Variants in PKHD1L1 observed in about 807,000 individuals in gnomAD.
PKHD1L1 encodes the protein PKHD1 like 1.
A neutral mutation model predicts 462.9 loss-of-function variants in PKHD1L1; 434 were observed. That is an observed-to-expected ratio of 0.94 (90% CI 0.87 to 1.02). PKHD1L1 has a LOEUF of 1.02. PKHD1L1 is among the 50% of genes least tolerant of loss of function. The pLI, the probability that PKHD1L1 is intolerant of heterozygous loss-of-function variation, is 0.00. For synonymous variants in PKHD1L1, 1,781 were observed against 1,750.0 expected, an observed-to-expected ratio of 1.02 and a Z score of -0.44; for missense variants, 5,202 against 5,096.1, an observed-to-expected ratio of 1.02 and a Z score of -0.63.
Position 109,413,425 on chromosome 8 carries a change from G to C in PKHD1L1, c.2240G>C (p.Cys747Ser). ...DILLFPYNQL[C>S]LAYKGFLANY... ...GTTTTTCATATTTTTATGTAGTTATGTTTAGCATACAAAGGATTCCTGGCA... is the reference window on the plus strand; with the variant it reads ...GTTTTTCATATTTTTATGTAGTTATCTTTAGCATACAAAGGATTCCTGGCA... The change falls in exon 21 of 78, where the codon TGT becomes TCT. Residue 747 changes from cysteine to serine, a missense_variant. By Grantham distance (112) the Cys-to-Ser change is moderately radical (BLOSUM62 -1). Coordinates refer to ENST00000378402, the MANE Select transcript of PKHD1L1 (RefSeq NM_177531.6). 1 of 1,523,772 alleles carries C rather than the reference G, an allele frequency of 6.6e-7. No individual in the cohort carries two copies. The highest frequency in any genetic ancestry group is 8.9e-7 in the Non-Finnish European group (1 of 1,120,910). 94.4% of individuals were successfully genotyped at this position (1,523,772 alleles called of 1,614,324 possible).
intron 16 of PKHD1L1, 113 bp downstream of exon 16, chr8:109,405,243 C>T: frequency 1.6e-6 from 1 of 643,608 alleles, no homozygotes; most frequent in Non-Finnish European, 2.3e-6. Flanking sequence ...TGATGATATG[C>T]TAGACAAAGA....
In PKHD1L1 at chr8:109,442,069, G is replaced by T; in HGVS notation, c.4267G>T (p.Ala1423Ser). 2 of 1,613,408 alleles carry T rather than the reference G, an allele frequency of 1.2e-6. No individual in the cohort carries two copies. Among genetic ancestry groups the T allele is most frequent in the Non-Finnish European group, 1.7e-6 (2 of 1,179,546 alleles). Residue 1423 changes from alanine (A) to serine (S), a missense_variant, in exon 35 of 78, where the codon GCA (alanine) becomes TCA (serine). This residue lies in a region of PKHD1L1 where 4,497 missense variants were observed against 4,336.8 expected (regional missense o/e 1.04). Coordinates refer to ENST00000378402, the MANE Select transcript of PKHD1L1 (RefSeq NM_177531.6). ...VLNVSVGDTV[A>S]WHWQTHPFLR... ...AAATGTGTCTGTGGGGGACACAGTG[G>T]CATGGCATTGGCAAACACATCCGTT...
At chr8:109,439,830 T>TA (rs1174651748) in intron 32 of PKHD1L1, among the ~76,000 whole-genome samples, 6 of 152,110 alleles carry the variant, frequency 3.9e-5, no homozygotes, top group Admixed American at 2.6e-4. Context: ...CCAATACAGC[T>TA]AATGTCAGAG....
chr8:109,422,395 G>T (rs575244902), intron 23 of PKHD1L1, among the ~76,000 whole-genome samples: 1 of 152,054 alleles, frequency 6.6e-6, no homozygotes, highest in African/African-American at 2.4e-5. Flanking sequence ...CTTATATATG[G>T]CAACCACAAA....
chr8:109,524,634 C>A (rs1341956841), intron 76 of PKHD1L1, among the ~76,000 whole-genome samples: 1 of 152,178 alleles, frequency 6.6e-6, no homozygotes, highest in Admixed American at 6.5e-5. Context: ...TAGGTTTTGG[C>A]ATTTTACTGT....
At chr8:109,475,803 G>A (rs1410410716) in intron 51 of PKHD1L1, among the ~76,000 whole-genome samples, 1 of 131,836 alleles carries the variant, frequency 7.6e-6, no homozygotes, top group Non-Finnish European at 1.5e-5. Flanking sequence ...AACCAAGATC[G>A]CCCCACTGTA....
chr8:109,522,995 C>A, intron 75 of PKHD1L1, 105 bp downstream of exon 75: 1 of 1,243,352 alleles, frequency 8.0e-7, no homozygotes, highest in Non-Finnish European at 1.1e-6. Context: ...CTGAGGATCA[C>A]ACGGCCCTTT....
chr8:109,393,419 C>A (rs752067070), intron 9 of PKHD1L1, among the ~76,000 whole-genome samples: 1 of 151,846 alleles, frequency 6.6e-6, no homozygotes, highest in Non-Finnish European at 1.5e-5. Flanking sequence ...CATTTAATTT[C>A]CAGAATTATT....
chr8:109,415,847 T>TAA (rs71305948), intron 21 of PKHD1L1, among the ~76,000 whole-genome samples: 1 of 117,020 alleles, frequency 8.5e-6, no homozygotes. Flanking sequence ...GACCTTGTCT[T>TAA]AAAAAAAAAA....
At chr8:109,522,653 T>C in intron 74 of PKHD1L1, 91 bp from the exon 75 acceptor site, 1 of 1,238,522 alleles carries the variant, frequency 8.1e-7, no homozygotes, top group South Asian at 1.9e-5. Context: ...AAATAAATAA[T>C]GAATATTTTA....
chr8:109,394,721 T>A (rs1213170298), intron 10 of PKHD1L1, among the ~76,000 whole-genome samples: 1 of 152,160 alleles, frequency 6.6e-6, no homozygotes, highest in African/African-American at 2.4e-5. Context: ...CTCATTACAC[T>A]AACACAGACA....
chr8:109,382,793 A>G (rs1812193663), intron 4 of PKHD1L1, among the ~76,000 whole-genome samples: 2 of 151,564 alleles, frequency 1.3e-5, no homozygotes, highest in African/African-American at 4.8e-5. Flanking sequence ...ATTAAATTAA[A>G]CTTTTGTACT....
chr8:109,486,569 A>G, intron 58 of PKHD1L1, 79 bp from the exon 59 acceptor site: 1 of 1,379,694 alleles, frequency 7.2e-7, no homozygotes. Context: ...AAGGCTGTTT[A>G]GCATATAAAC....
At chr8:109,447,334 T>C (rs560347800) in intron 38 of PKHD1L1, among the ~76,000 whole-genome samples, 1 of 152,338 alleles carries the variant, frequency 6.6e-6, no homozygotes, top group East Asian at 1.9e-4. Flanking sequence ...ATCCTCACTA[T>C]GGTCAATTAT....
chr8:109,528,315 C>T (rs1292916229), intron 77 of PKHD1L1, among the ~76,000 whole-genome samples: 1 of 152,118 alleles, frequency 6.6e-6, no homozygotes, highest in Non-Finnish European at 1.5e-5. Context: ...CTTCTCCGCC[C>T]GCAGTTAATG....
chr8:109,490,192 C>A, intron 60 of PKHD1L1, 137 bp downstream of exon 60: 3 of 563,254 alleles, frequency 5.3e-6, no homozygotes, highest in South Asian at 3.1e-5. Flanking sequence ...GGCCCATTAA[C>A]TTTTTAGACC....
In PKHD1L1 at chr8:109,464,491, G is replaced by C; in HGVS notation, c.7659G>C (p.Leu2553=). 1.2e-6 allele frequency: 2 copies of C among 1,613,768 alleles called. No individual in the cohort carries two copies. The highest frequency in any genetic ancestry group is 1.7e-6 in the Non-Finnish European group (2 of 1,179,782). Residue 2553 remains leucine (L), a synonymous_variant, in exon 49 of 78, where the codon CTG becomes CTC. Coordinates refer to ENST00000378402, the MANE Select transcript of PKHD1L1 (RefSeq NM_177531.6). The stretch of plus-strand genomic sequence containing the variant: ...TTGTACAGCAAAGTACCAGTCTTCT[G>C]AATGATGATGTGACCCCGGCTGCAT... ...AVFVQQSTSL[L]NDDVTPAAFW...
Position 109,427,082 on chromosome 8 carries a change from C to T in PKHD1L1, c.2926C>T (p.Arg976Ter), listed in dbSNP as rs747975032. 2.5e-5 allele frequency: 40 copies of T among 1,613,832 alleles called. No individual in the cohort carries two copies. The highest frequency in any genetic ancestry group is 9.9e-5 in the South Asian group (9 of 91,094). ...LEGMGRISVTREGTCAGYAWN... is the reference protein window; with the variant it reads ...LEGMGRISVT Reference sequence around the variant, plus strand: ...GGGAATGGGAAGAATCTCAGTTACACGAGAGGGAACCTGTGCTGGCTACGC... The same window carrying T: ...GGGAATGGGAAGAATCTCAGTTACATGAGAGGGAACCTGTGCTGGCTACGC... Residue 976 changes from arginine (R) to a stop codon, truncating the protein, a stop_gained, in exon 25 of 78, where the codon CGA becomes TGA. Coordinates refer to ENST00000378402, the MANE Select transcript of PKHD1L1 (RefSeq NM_177531.6). LOFTEE classifies it high-confidence loss of function.
intron 2 of PKHD1L1, among the ~76,000 whole-genome samples, chr8:109,376,098 G>T (rs1273850459): frequency 2.0e-5 from 3 of 152,366 alleles, no homozygotes; most frequent in African/African-American, 7.2e-5. Context: ...TGCCCCCAAA[G>T]GTGGAGCCTA....
Sources: allele counts gnomAD v4.1 joint callset (sites outside exome capture counted in the v4.1 genomes callset), GRCh38; gene constraint gnomAD v4.1.1; regional missense constraint gnomAD v4.1.1; transcripts MANE v1.5; gene names NCBI Gene and HGNC (gene_info 2026-07-23, HGNC 2026-07-21).